Variants in PRAF2 observed in about 807,000 individuals in gnomAD.
PRAF2 encodes PRA1 family protein 2.
Under a neutral mutation model 9.7 loss-of-function variants are expected in PRAF2, and 5 were observed. That is an observed-to-expected ratio of 0.51 (90% CI 0.27 to 1.08). The LOEUF (loss-of-function observed/expected upper bound fraction) is 1.08, where lower values mean the gene tolerates loss of function less well. Ranked by LOEUF, PRAF2 falls within the 50% of genes least tolerant of loss-of-function variation. The pLI is 0.12. For synonymous variants in PRAF2, 61 were observed against 76.6 expected, an observed-to-expected ratio of 0.80 and a Z score of 1.06; for missense variants, 135 against 160.7, an observed-to-expected ratio of 0.84 and a Z score of 0.86.
chrX:49,072,223 C>A, intron 2 of PRAF2: 1 of 601,813 alleles, frequency 1.7e-6, no homozygotes. Context: ...GTGGAAGGCA[C>A]TTAACACCAA....
chrX:49,073,158 T>C (rs781999576), intron 1 of PRAF2, among the ~76,000 whole-genome samples: 5 of 110,760 alleles, frequency 4.5e-5, no homozygotes, highest in Non-Finnish European at 9.5e-5. Flanking sequence ...TTCCAGGTCG[T>C]CAGCCCCACT....
At chrX:49,072,154 A>C in intron 2 of PRAF2, 146 bp from the exon 3 acceptor site, 1 of 816,014 alleles carries the variant, frequency 1.2e-6, no homozygotes, top group East Asian at 3.3e-5. Flanking sequence ...GTGGCCGAGT[A>C]ATTGGCTTGG....
chrX:49,071,826 G>C lies in PRAF2; in HGVS notation c.*43C>G. On this transcript the variant is annotated 3_prime_UTR_variant, in exon 3 of 3. Coordinates refer to ENST00000553851, the MANE Select transcript of PRAF2 (RefSeq NM_007213.3). ...TCTGGGTCCCAATTATGGGCTGGGG[G>C]TGGGGTGGTATTCTCCAGGTCCTGG... 8.6e-7 allele frequency: 1 copy of C among 1,169,421 alleles called. No homozygotes were observed. Among genetic ancestry groups the C allele is most frequent in the Non-Finnish European group, 1.1e-6 (1 of 874,150 alleles).
intron 2 of PRAF2, 24 bp downstream of exon 2, chrX:49,072,409 T>G: frequency 8.5e-7 from 1 of 1,176,388 alleles, no homozygotes; most frequent in Non-Finnish European, 1.1e-6. Context: ...CTTTCCTGGC[T>G]ATCTCGGGGT....
At chrX:49,073,436 A>AC (rs1230409696) in intron 1 of PRAF2, among the ~76,000 whole-genome samples, 2 of 101,029 alleles carry the variant, frequency 2.0e-5, no homozygotes, top group Non-Finnish European at 2.0e-5. Flanking sequence ...TTCACATCAC[A>AC]CCCCCCCTAC....
At position 49,073,835 on chromosome X, in the gene PRAF2, G is replaced by A; in HGVS notation, c.153C>T (p.Cys51=). The A allele has an allele frequency of 1.2e-5, 15 of 1,212,321 alleles. No individual in the cohort carries two copies. Among genetic ancestry groups the A allele is most frequent in the Non-Finnish European group, 1.7e-5 (15 of 895,565 alleles). Residue 51 remains cysteine, a synonymous_variant, in exon 1 of 3, where the codon TGC becomes TGT. Transcript: ENST00000553851. ...LLYYQTNYLL[C]FGIGLALAGY... ...CGGCGAGAGCGAGGCCGATGCCGAA[G>A]CAGAGAAGGTAGTTGGTTTGGTAGT...
At position 49,071,561 on chromosome X, in the gene PRAF2, C is replaced by T. The variant is rs2065010806; in HGVS notation, c.*308G>A. 1 of 182,222 alleles carries T rather than the reference C, an allele frequency of 5.5e-6. No individual in the cohort carries two copies. The highest frequency in any genetic ancestry group is 9.9e-6 in the Non-Finnish European group (1 of 101,053). The allele number at this position is 182,222 out of a possible 1,213,427, so 15.0% of individuals were successfully genotyped here. The stretch of plus-strand genomic sequence containing the variant: ...TGGAGAAGGGTGGATGGGAGTGTCT[C>T]TGGGTTCACAATTTGAAATTGGCCA... On this transcript the variant is annotated 3_prime_UTR_variant, in exon 3 of 3. Transcript: ENST00000553851.
In PRAF2 at chrX:49,071,562, T is replaced by C. The variant is rs1172609859; in HGVS notation, c.*307A>G. On this transcript the variant is annotated 3_prime_UTR_variant, in exon 3 of 3. Transcript: ENST00000553851. ...GGAGAAGGGTGGATGGGAGTGTCTC[T>C]GGGTTCACAATTTGAAATTGGCCAT... 3 of 182,376 alleles carry C rather than the reference T, an allele frequency of 1.6e-5. No individual in the cohort carries two copies. Among genetic ancestry groups the C allele is most frequent in the Non-Finnish European group, 3.0e-5 (3 of 101,338 alleles). The allele number at this position is 182,376 out of a possible 1,213,427, so 15.0% of individuals were successfully genotyped here. A position where few individuals can be genotyped will look rare whatever the true frequency, so the allele number is the denominator to read the frequency against.
chrX:49,071,966 TTC>T lies in PRAF2; in HGVS notation c.438_439del (p.Asn147GlnfsTer3). 8.3e-7 allele frequency: 1 copy of T among 1,210,306 alleles called. No homozygotes were observed. The highest frequency in any genetic ancestry group is 1.1e-6 in the Non-Finnish European group (1 of 894,896). ...GCTCTCGATCTTGTTCTCAATCTTG[TTC>T]TTAAGGTTGCGCAGGCGCAACGAGG... On this transcript the variant is annotated frameshift_variant, in exon 3 of 3. Transcript: ENST00000553851. LOFTEE classifies it high-confidence loss of function.
chrX:49,073,678 C>T, intron 1 of PRAF2, 131 bp downstream of exon 1: 1 of 839,962 alleles, frequency 1.2e-6, no homozygotes, highest in East Asian at 3.4e-5. Context: ...CTCAGGCCGT[C>T]CATCTCTACT....
chrX:49,072,741 C>T, intron 1 of PRAF2, 91 bp from the exon 2 acceptor site: 1 of 898,969 alleles, frequency 1.1e-6, no homozygotes, highest in Non-Finnish European at 1.6e-6. Context: ...CCAGGGTCTC[C>T]CGTCTCCGGA....
intron 1 of PRAF2, 78 bp from the exon 2 acceptor site, chrX:49,072,728 G>A: frequency 1.0e-6 from 1 of 984,263 alleles, no homozygotes; most frequent in Non-Finnish European, 1.4e-6. Context: ...TGGGCCCCAA[G>A]AGCCAGGGTC....
At position 49,073,939 on chromosome X, in the gene PRAF2, G is replaced by A. The variant is rs2065020818; in HGVS notation, c.49C>T (p.Leu17=). Residue 17 remains leucine (L), a synonymous_variant, in exon 1 of 3, where the codon CTG becomes TTG. Coordinates refer to ENST00000553851, the MANE Select transcript of PRAF2 (RefSeq NM_007213.3). Reference sequence around the variant, plus strand: ...GGAGCCGCCAGACGCGCCGACCCCAGAACAAAGTCGTCCAGGGCGCGTAGC... The same window carrying A: ...GGAGCCGCCAGACGCGCCGACCCCAAAACAAAGTCGTCCAGGGCGCGTAGC... The part of the protein sequence containing the change: ...PPLRALDDFV[L]GSARLAAPDP... The A allele has an allele frequency of 8.3e-7, 1 of 1,210,734 alleles. No individual in the cohort carries two copies. Among genetic ancestry groups the A allele is most frequent in the Non-Finnish European group, 1.1e-6 (1 of 894,984 alleles).
At position 49,071,880 on chromosome X, in the gene PRAF2, C is replaced by T; in HGVS notation, c.526G>A (p.Ala176Thr). The change falls in exon 3 of 3, where the codon GCT (alanine) becomes ACT (threonine). Residue 176 changes from alanine to threonine, a missense_variant. Physicochemically the swap from Ala to Thr is moderately conservative, Grantham distance 58 (BLOSUM62 0). Coordinates refer to ENST00000553851, the MANE Select transcript of PRAF2 (RefSeq NM_007213.3). Reference sequence around the variant, plus strand: ...CAGATCCCAGGGGCCTAGGATCCAGCCTCCTGCTCTTGTCCCAGTGCCTCT... The same window carrying T: ...CAGATCCCAGGGGCCTAGGATCCAGTCTCCTGCTCTTGTCCCAGTGCCTCT... ...LLEALGQEQEAGS is the reference protein window; with the variant it reads ...LLEALGQEQETGS 8.3e-7 allele frequency: 1 copy of T among 1,208,639 alleles called. No homozygotes were observed. Among genetic ancestry groups the T allele is most frequent in the Non-Finnish European group, 1.1e-6 (1 of 894,215 alleles).
rs782771748 is a variant in PRAF2 at position 49,071,947 on chromosome X, G to A, written c.459C>T (p.Ile153=). The change falls in exon 3 of 3, where the codon ATC becomes ATT. Residue 153 remains isoleucine (I), a synonymous_variant. Coordinates refer to ENST00000553851, the MANE Select transcript of PRAF2 (RefSeq NM_007213.3). ...RNLKNKIENK[I]ESIGLKRTPM... ...GCGTCCGCTTGAGACCAATGCTCTC[G>A]ATCTTGTTCTCAATCTTGTTCTTAA... 1 of 1,210,863 alleles carries A rather than the reference G, an allele frequency of 8.3e-7. No homozygotes were observed. The highest frequency in any genetic ancestry group is 1.1e-6 in the Non-Finnish European group (1 of 894,951).
Position 49,072,705 on chromosome X carries a change from C to T in PRAF2, c.180-55G>A, listed in dbSNP as rs1038097757. The T allele has an allele frequency of 5.5e-6, 6 of 1,083,616 alleles. No homozygotes were observed. The African/African-American group carries it at 7.4e-5, about 13-fold the overall frequency. The allele number at this position is 1,083,616 out of a possible 1,213,427, so 89.3% of individuals were successfully genotyped here. Reference sequence around the variant, plus strand: ...GCCGGGCGGAGAGACGGCCTCCGGACCACCACCCACCCTGGGCCCCAAGAG... The same window carrying T: ...GCCGGGCGGAGAGACGGCCTCCGGATCACCACCCACCCTGGGCCCCAAGAG... On this transcript the variant is annotated intron_variant, in intron 1 of 2. Transcript: ENST00000553851.
rs782356172 is a variant in PRAF2 at position 49,073,820 on chromosome X, G to A, written c.168C>T (p.Leu56=). 1.1e-5 allele frequency: 13 copies of A among 1,210,871 alleles called. No individual in the cohort carries two copies. In the South Asian group the frequency reaches 2.3e-4, roughly 21 times the overall value. Residue 56 remains leucine (L), a synonymous_variant, in exon 1 of 3, where the codon CTC becomes CTT. Transcript: ENST00000553851. ...CCTCCCTCCCTCACCCGGCGAGAGC[G>A]AGGCCGATGCCGAAGCAGAGAAGGT... ...TNYLLCFGIG[L]ALAGYVRPLH...
intron 2 of PRAF2, 82 bp downstream of exon 2, chrX:49,072,350 AC>A (rs1421450877): frequency 1.8e-6 from 2 of 1,087,794 alleles, no homozygotes; most frequent in African/African-American, 3.7e-5. Flanking sequence ...CCCCCTCTCA[AC>A]CCGGGGACCG....
chrX:49,072,130 C>T, intron 2 of PRAF2, 122 bp from the exon 3 acceptor site: 1 of 908,224 alleles, frequency 1.1e-6, no homozygotes, highest in South Asian at 2.4e-5. Flanking sequence ...CAGGACGCCT[C>T]AGATACTGAA....
Sources: gnomAD v4.1 joint callset for allele counts (sites outside exome capture counted in the v4.1 genomes callset) on GRCh38, gnomAD v4.1.1 for gene constraint, MANE v1.5 for transcripts, NCBI Gene and HGNC (gene_info 2026-07-23, HGNC 2026-07-21) for gene names.